TNRC18: variants seen among roughly 807,000 people sequenced by gnomAD.
TNRC18 encodes trinucleotide repeat containing 18.
TNRC18 carries 69 observed loss-of-function variants against 226.7 expected under a neutral mutation model. The ratio of observed to expected loss-of-function variants is 0.30; its 90% CI spans 0.25 to 0.37. The LOEUF (loss-of-function observed/expected upper bound fraction) is 0.37, where lower values mean the gene tolerates loss of function less well. Ranked by LOEUF, TNRC18 falls within the 10% of genes least tolerant of loss-of-function variation. The pLI is 1.00. For synonymous variants in TNRC18, 2,449 were observed against 1,927.6 expected, an observed-to-expected ratio of 1.27 and a Z score of -7.09; for missense variants, 4,754 against 4,256.6, an observed-to-expected ratio of 1.12 and a Z score of -3.25.
At chr7:5,414,420 G>GTT (rs1025136311) in intron 2 of TNRC18, among the ~76,000 whole-genome samples, 1 of 142,660 alleles carries the variant, frequency 7.0e-6, no homozygotes. Context: ...TCTTTCTTTT[G>GTT]TTTTTTTTTT....
At chr7:5,326,533 C>A (rs1168202435) in intron 19 of TNRC18, among the ~76,000 whole-genome samples, 1 of 152,134 alleles carries the variant, frequency 6.6e-6, no homozygotes, top group Admixed American at 6.6e-5. Flanking sequence ...ATAGCCTCAA[C>A]CTCCTGGGCT....
At chr7:5,326,509 A>G (rs1032534497) in intron 19 of TNRC18, among the ~76,000 whole-genome samples, 9 of 152,106 alleles carry the variant, frequency 5.9e-5, no homozygotes, top group African/African-American at 1.9e-4. Context: ...CCATGGCACA[A>G]TGACAGCTGA....
intron 18 of TNRC18, among the ~76,000 whole-genome samples, chr7:5,338,271 G>A (rs1483091087): frequency 6.6e-6 from 1 of 151,994 alleles, no homozygotes; most frequent in East Asian, 1.9e-4. Flanking sequence ...TAAAAGGCAA[G>A]GAGAACCAAA....
intron 2 of TNRC18, among the ~76,000 whole-genome samples, chr7:5,411,861 G>C (rs1244378751): frequency 1.3e-5 from 2 of 152,028 alleles, no homozygotes; most frequent in East Asian, 3.9e-4. Flanking sequence ...TCATCCAATA[G>C]ATATGACAAG....
intron 17 of TNRC18, among the ~76,000 whole-genome samples, chr7:5,349,093 G>A (rs961014932): frequency 6.6e-6 from 1 of 152,214 alleles, no homozygotes; most frequent in Non-Finnish European, 1.5e-5. Context: ...GCTGCGGGGG[G>A]AGGGCGAGCT....
At position 5,332,912 on chromosome 7, in the gene TNRC18, G is replaced by C; in HGVS notation, c.5857C>G (p.Pro1953Ala). ...GCCTTGTCTGGGCTGCTGGGGTCGG[G>C]ACCGCGGGCGCCAGGCGTGGGTGCG... ...LAAPTPGARG[P>A]DPSSPDKAKL... is the part of the protein sequence containing the mutation. Residue 1953 changes from proline to alanine, a missense_variant, in exon 19 of 30, where the codon CCC (proline) becomes GCC (alanine). Physicochemically the swap from Pro to Ala is conservative, Grantham distance 27. Coordinates refer to ENST00000430969, the MANE Select transcript of TNRC18 (RefSeq NM_001080495.3). 6.5e-7 allele frequency: 1 copy of C among 1,538,716 alleles called. No individual in the cohort carries two copies. Among genetic ancestry groups the C allele is most frequent in the Non-Finnish European group, 8.7e-7 (1 of 1,149,634 alleles).
chr7:5,385,333 A>C (rs1779684226), intron 5 of TNRC18, among the ~76,000 whole-genome samples: 1 of 151,936 alleles, frequency 6.6e-6, no homozygotes, highest in African/African-American at 2.4e-5. Context: ...CTAAAAATAC[A>C]AAAAATTAGC....
chr7:5,389,019 A>G lies in TNRC18; in HGVS notation c.805T>C (p.Ser269Pro). 7.5e-7 allele frequency: 1 copy of G among 1,331,900 alleles called. No individual in the cohort carries two copies. 82.5% of individuals were successfully genotyped at this position (1,331,900 alleles called of 1,614,324 possible). A position where few individuals can be genotyped will look rare whatever the true frequency, so the allele number is the denominator to read the frequency against. Reference protein sequence around the residue: ...AERLSPFLAESKTKNAALQPS... With the variant: ...AERLSPFLAEPKTKNAALQPS... ...TGCAGCGCCGCATTCTTGGTCTTGG[A>G]CTCAGCCAGGAAGGGCGACAGGCGC... Residue 269 changes from serine (S) to proline (P), a missense_variant, in exon 5 of 30, where the codon TCC becomes CCC. Transcript: ENST00000430969.
At chr7:5,392,575 CTA>C (rs1386342337) in intron 3 of TNRC18, among the ~76,000 whole-genome samples, 1 of 152,048 alleles carries the variant, frequency 6.6e-6, no homozygotes, top group Non-Finnish European at 1.5e-5. Context: ...GATTGTGCCA[CTA>C]TATACTCTAG....
intron 16 of TNRC18, among the ~76,000 whole-genome samples, chr7:5,355,525 G>A (rs1792271104): frequency 3.3e-5 from 5 of 152,206 alleles, no homozygotes; most frequent in Admixed American, 3.3e-4. Flanking sequence ...GCTAAAGTGG[G>A]ATGCTTGCTT....
At position 5,361,886 on chromosome 7, in the gene TNRC18, G is replaced by T; in HGVS notation, c.4532+11C>A. 1 of 1,547,342 alleles carries T rather than the reference G, an allele frequency of 6.5e-7. No homozygotes were observed. The highest frequency in any genetic ancestry group is 2.4e-5 in the East Asian group (1 of 41,150). On this transcript the variant is annotated intron_variant, in intron 13 of 29. Coordinates refer to ENST00000430969, the MANE Select transcript of TNRC18 (RefSeq NM_001080495.3). ...CAGGGGCCCCACGGGGCGGGCGGGG[G>T]ACACACTCACTCGGAGTCCCGGCGG...
At chr7:5,384,894 A>T (rs991729832) in intron 5 of TNRC18, among the ~76,000 whole-genome samples, 8 of 152,200 alleles carry the variant, frequency 5.3e-5, no homozygotes, top group African/African-American at 1.9e-4. Context: ...CAGTCAACAA[A>T]CACTCACTGA....
At chr7:5,367,526 C>T (rs1250873272) in intron 11 of TNRC18, among the ~76,000 whole-genome samples, 18 of 150,864 alleles carry the variant, frequency 1.2e-4, no homozygotes, top group Non-Finnish European at 4.4e-5. Context: ...CTCCCAGGTT[C>T]AAGTGATTTT....
rs1280597449 is a variant in TNRC18 at position 5,377,106 on chromosome 7, G to C, written c.2462-113C>G. On this transcript the variant is annotated intron_variant, in intron 7 of 29. Transcript: ENST00000430969. This position sits in a 1 kb window ranked among gnomAD's most constrained non-coding sequence, Gnocchi z 5.8. ...AGTCCTGAACCTCCTGGGGCCTCCA[G>C]TGGGGAAGCCAAGGGACAGGGGTGC... is the stretch of plus-strand genomic sequence containing the variant. 2.1e-6 allele frequency: 3 copies of C among 1,437,284 alleles called. No individual in the cohort carries two copies. The African/African-American group carries it at 4.3e-5, about 21-fold the overall frequency. 89.0% of individuals were successfully genotyped at this position (1,437,284 alleles called of 1,614,324 possible).
chr7:5,333,198 G>C (rs1431272654), intron 18 of TNRC18, 149 bp from the exon 19 acceptor site: 2 of 961,038 alleles, frequency 2.1e-6, no homozygotes, highest in Non-Finnish European at 3.2e-6. Context: ...CTGAGGCCCA[G>C]AGGAGAAAGA....
rs1206019989 is a variant in TNRC18 at position 5,307,727 on chromosome 7, C to T, written c.*379G>A. The stretch of plus-strand genomic sequence containing the variant: ...TTTGGTTCCTTAGAAGCGCCCCTCC[C>T]CACCGAATCCCCAGTCTGCATGGAC... On this transcript the variant is annotated 3_prime_UTR_variant, in exon 30 of 30. Transcript: ENST00000430969. 3.2e-5 allele frequency: 11 copies of T among 342,716 alleles called. 2 individuals are homozygous for T. The highest frequency in any genetic ancestry group is 2.6e-4 in the South Asian group (11 of 43,116). 21.2% of individuals were successfully genotyped at this position (342,716 alleles called of 1,614,324 possible). A position where few individuals can be genotyped will look rare whatever the true frequency, so the allele number is the denominator to read the frequency against.
At position 5,388,975 on chromosome 7, in the gene TNRC18, C is replaced by T. The variant is rs1336586723; in HGVS notation, c.849G>A (p.Met283Ile). ...CCACGTCCCCGGCGCCGCCGTTGCA[C>T]ATGGTCAGTACCGACGGCTGCAGCG... is the stretch of plus-strand genomic sequence containing the variant. ...NAALQPSVLT[M>I]CNGGAGDVGL... Residue 283 changes from methionine to isoleucine, a missense_variant, in exon 5 of 30, where the codon ATG (methionine) becomes ATA (isoleucine). Coordinates refer to ENST00000430969, the MANE Select transcript of TNRC18 (RefSeq NM_001080495.3). The T allele has an allele frequency of 4.7e-5, 65 of 1,393,726 alleles. No individual in the cohort carries two copies. The highest frequency in any genetic ancestry group is 5.7e-5 in the Non-Finnish European group (61 of 1,068,474). 86.3% of individuals were successfully genotyped at this position (1,393,726 alleles called of 1,614,324 possible).
Position 5,388,340 on chromosome 7 carries a change from C to G in TNRC18, c.1484G>C (p.Gly495Ala), listed in dbSNP as rs1448608712. Residue 495 changes from glycine (G) to alanine (A), a missense_variant, in exon 5 of 30, where the codon GGC becomes GCC. Gly to Ala is a moderately conservative substitution (Grantham distance 60, BLOSUM62 0). Transcript: ENST00000430969. ...GGGCGGGGGGCGCCCGGGCTCCAGG[C>G]CGAAGAGCTTGGCGGCCTGTTGGGC... Reference protein sequence around the residue: ...PAAQQAAKLFGLEPGRPPPTG... With the variant: ...PAAQQAAKLFALEPGRPPPTG... 5.0e-6 allele frequency: 8 copies of G among 1,592,268 alleles called. No individual in the cohort carries two copies. The highest frequency in any genetic ancestry group is 6.8e-6 in the Non-Finnish European group (8 of 1,171,290).
intron 21 of TNRC18, among the ~76,000 whole-genome samples, 199 bp from the exon 22 acceptor site, chr7:5,321,389 G>A (rs990787499): frequency 1.3e-5 from 2 of 152,142 alleles, no homozygotes; most frequent in African/African-American, 2.4e-5. Context: ...AGCATGTACA[G>A]GGTGCCGTGG....
Sources: allele counts gnomAD v4.1 joint callset (sites outside exome capture counted in the v4.1 genomes callset), GRCh38; gene constraint gnomAD v4.1.1; non-coding constraint Gnocchi (gnomAD v3.1); transcripts MANE v1.5; gene names NCBI Gene and HGNC (gene_info 2026-07-23, HGNC 2026-07-21).